The following AP3M2 variants were observed in gnomAD, a reference collection of about 807,000 sequenced individuals.
The protein encoded by AP3M2 is adaptor related protein complex 3 subunit mu 2.
In AP3M2, 28 loss-of-function variants were observed where a neutral mutation model predicts 41.6. The ratio of observed to expected loss-of-function variants is 0.67; its 90% CI spans 0.50 to 0.92. The LOEUF (loss-of-function observed/expected upper bound fraction) is 0.92, where lower values mean the gene tolerates loss of function less well. Among genes scored for constraint, AP3M2 ranks in the 40% least tolerant of loss-of-function variants. The probability of loss-of-function intolerance (pLI) is 0.00; values close to 1 mark genes in which losing one functional copy is unlikely to be tolerated. For synonymous variants in AP3M2, 193 were observed against 186.4 expected (o/e 1.04, Z -0.29); for missense variants, 427 against 521.4 (o/e 0.82, Z 1.76).
chr8:42,157,951 G>A lies in AP3M2; in HGVS notation c.284G>A (p.Gly95Glu). The A allele has an allele frequency of 1.2e-6, 2 of 1,611,874 alleles. No individual in the cohort carries two copies. Among genetic ancestry groups the A allele is most frequent in the Non-Finnish European group, 1.7e-6 (2 of 1,178,148 alleles). ...RVVDTFQDYF[G>E]VCSEPVIKDN... is the part of the protein sequence containing the mutation. ...TTCTGTCTCCATCAGGATTATTTTG[G>A]AGTCTGTTCAGAGCCAGTGATCAAA... is the stretch of plus-strand genomic sequence containing the variant. Residue 95 changes from glycine (G) to glutamate (E), a missense_variant, in exon 3 of 9, where the codon GGA becomes GAA. By Grantham distance (98) the Gly-to-Glu change is moderately conservative. Coordinates refer to ENST00000396926, the MANE Select transcript of AP3M2 (RefSeq NM_006803.4).
chr8:42,167,936 A>G, intron 8 of AP3M2, 126 bp downstream of exon 8: 1 of 1,192,330 alleles, frequency 8.4e-7, no homozygotes. Context: ...CCTGATAAAC[A>G]ATCTTTAGTA....
chr8:42,153,139 G>C (rs1312028013), intron 1 of AP3M2, 34 bp downstream of exon 1: 2 of 152,062 alleles, frequency 1.3e-5, no homozygotes, highest in African/African-American at 4.8e-5. Context: ...GCCTGGAGAG[G>C]GGGCAGGAGT....
At chr8:42,153,317 G>C (rs1342564513) in intron 1 of AP3M2, 2 of 152,114 alleles carry the variant, frequency 1.3e-5, no homozygotes, top group African/African-American at 4.8e-5. Flanking sequence ...GGCAGCGCAC[G>C]TGCGCTCGCT....
chr8:42,155,226 C>G (rs1193667244), intron 2 of AP3M2, among the ~76,000 whole-genome samples: 1 of 152,186 alleles, frequency 6.6e-6, no homozygotes, highest in Admixed American at 6.5e-5. Flanking sequence ...AGCTCTGATT[C>G]TACTTTTTGC....
At chr8:42,164,952 GGAGGGAGAGAGAGGAAGGT>G (rs1235152264) in intron 4 of AP3M2, 100 bp from the exon 5 acceptor site, 9 of 771,336 alleles carry the variant, frequency 1.2e-5, no homozygotes, top group South Asian at 1.9e-5. Context: ...GAGAGGAAGG[GGAGGGAGAGAGAGGAAGGT>G]GAGGGAGAGA....
chr8:42,165,033 C>A, intron 4 of AP3M2, 38 bp from the exon 5 acceptor site: 1 of 1,569,414 alleles, frequency 6.4e-7, no homozygotes, highest in South Asian at 1.1e-5. Context: ...GAGAAGTATT[C>A]AGTAATCTGT....
At chr8:42,165,593 G>C in intron 6 of AP3M2, 33 bp downstream of exon 6, 13 of 1,612,258 alleles carry the variant, frequency 8.1e-6, no homozygotes, top group Non-Finnish European at 1.1e-5. Context: ...AATGGAATCC[G>C]TGTATGTACA....
rs879107198 is a variant in AP3M2 at position 42,168,882 on chromosome 8, T to C, written c.1157-79T>C. On this transcript the variant is annotated intron_variant, in intron 8 of 8. Transcript: ENST00000396926. ...AATGTCGGTCCCACTGACTTCAGTG[T>C]ATTGAACAGAAACAGTTAGGCGACC... is the stretch of plus-strand genomic sequence containing the variant. The C allele has an allele frequency of 1.6e-4, 164 of 1,034,514 alleles. 1 individual carries two copies. In the South Asian group the frequency reaches 2.4e-3, roughly 15 times the overall value. The allele number at this position is 1,034,514 out of a possible 1,614,324, so 64.1% of individuals were successfully genotyped here.
Sources: allele counts gnomAD v4.1 joint callset (sites outside exome capture counted in the v4.1 genomes callset), GRCh38; gene constraint gnomAD v4.1.1; transcripts MANE v1.5; gene names NCBI Gene and HGNC (gene_info 2026-07-23, HGNC 2026-07-21).